Variants in ZNF532 observed in about 807,000 individuals in gnomAD.
The protein encoded by ZNF532 is zinc finger protein 532.
A neutral mutation model predicts 89.3 loss-of-function variants in ZNF532; 22 were observed. The ratio of observed to expected loss-of-function variants is 0.25; its 90% CI spans 0.18 to 0.35. The LOEUF is 0.35. ZNF532 is among the 10% of genes least tolerant of loss of function. The pLI is 1.00. For synonymous variants in ZNF532, 606 were observed against 649.6 expected (o/e 0.93, Z 1.02); for missense variants, 1,132 against 1,643.4 (o/e 0.69, Z 5.38).
At chr18:58,888,713 A>ATATATATATTT in intron 2 of ZNF532, among the ~76,000 whole-genome samples, 1 of 17,698 alleles carries the variant, frequency 5.7e-5, no homozygotes, top group Admixed American at 8.7e-4. Context: ...ATATATATAT[A>ATATATATATTT]TATATATATA....
chr18:58,973,939 A>C (rs139013508), intron 7 of ZNF532, among the ~76,000 whole-genome samples: 7 of 152,228 alleles, frequency 4.6e-5, no homozygotes, highest in African/African-American at 1.7e-4. Flanking sequence ...AGAAAGCAAA[A>C]CCAGAGATAG....
chr18:58,869,460 C>G (rs1479934844), intron 2 of ZNF532, among the ~76,000 whole-genome samples: 1 of 152,108 alleles, frequency 6.6e-6, no homozygotes, highest in South Asian at 2.1e-4. Flanking sequence ...TTAATCTCTT[C>G]GGAAACATTT....
chr18:58,916,696 A>G (rs183717607), intron 2 of ZNF532: 2 of 985,334 alleles, frequency 2.0e-6, no homozygotes, highest in Non-Finnish European at 2.4e-6. Context: ...TTCTAACCAA[A>G]TTCTTCAGTG....
chr18:58,984,655 AAG>A lies in ZNF532; in HGVS notation c.*192_*193del, dbSNP rs2068229988. 3 of 607,834 alleles carry A rather than the reference AAG, an allele frequency of 4.9e-6. No individual in the cohort carries two copies. The South Asian group carries it at 8.1e-5, about 16-fold the overall frequency. The allele number at this position is 607,834 out of a possible 1,614,324, so 37.7% of individuals were successfully genotyped here. ...GTATTAAAACAGTATTTGAGTTTAA[AAG>A]AGTTTGTATATATTTAAATGAATAA... On this transcript the variant is annotated 3_prime_UTR_variant, in exon 10 of 10. Coordinates refer to ENST00000591808, the MANE Select transcript of ZNF532 (RefSeq NM_001375912.1).
intron 2 of ZNF532, among the ~76,000 whole-genome samples, chr18:58,915,162 A>G (rs1180035645): frequency 1.3e-5 from 2 of 152,216 alleles, no homozygotes; most frequent in Non-Finnish European, 2.9e-5. Context: ...TATCCATTCC[A>G]TTAGTTATAC....
chr18:58,930,799 A>G (rs72959149), intron 3 of ZNF532, among the ~76,000 whole-genome samples: 10,628 of 152,160 alleles, frequency 0.07, 516 homozygotes, highest in Admixed American at 0.12. Flanking sequence ...AAATCATCTC[A>G]AGATTACTTA....
chr18:58,888,894 T>TATATAAA (rs2058679834), intron 2 of ZNF532, among the ~76,000 whole-genome samples: 1 of 55,832 alleles, frequency 1.8e-5, no homozygotes, highest in Non-Finnish European at 2.7e-5. Flanking sequence ...ATATATTTTA[T>TATATAAA]ATATATATAT....
chr18:58,969,849 TTTA>T (rs1051190495), intron 7 of ZNF532, among the ~76,000 whole-genome samples: 10 of 151,838 alleles, frequency 6.6e-5, no homozygotes, highest in African/African-American at 2.4e-4. Flanking sequence ...GTATTTAATT[TTTA>T]TTATGTAGCA....
rs534100238 is a variant in ZNF532 at position 58,883,928 on chromosome 18, C to T, written c.-18+18349C>T. The stretch of plus-strand genomic sequence containing the variant: ...GGGATGAAAATTGCAAAAGAAAGAC[C>T]TCTGTTGAGGGAAGCAAGCCAGTCA... On this transcript the variant is annotated intron_variant, in intron 2 of 9. Coordinates refer to ENST00000591808, the MANE Select transcript of ZNF532 (RefSeq NM_001375912.1). Among the ~76,000 whole-genome samples, 532 of 152,250 alleles carry T rather than the reference C, an allele frequency of 3.5e-3. 2 individuals carry two copies. The highest frequency in any genetic ancestry group is 0.017 in the Middle Eastern group (5 of 294).
At chr18:58,906,484 A>C (rs576005388) in intron 2 of ZNF532, among the ~76,000 whole-genome samples, 1 of 152,014 alleles carries the variant, frequency 6.6e-6, no homozygotes, top group East Asian at 1.9e-4. Context: ...ACACTATAAG[A>C]TTCATTGGTA....
intron 2 of ZNF532, among the ~76,000 whole-genome samples, chr18:58,870,072 G>GTTTTTT (rs764095848): frequency 1.8e-5 from 2 of 112,790 alleles, no homozygotes; most frequent in Non-Finnish European, 3.6e-5. Context: ...AGCCCAGGTT[G>GTTTTTT]TTTTTTTTTT....
intron 2 of ZNF532, among the ~76,000 whole-genome samples, chr18:58,883,581 G>A (rs1226189182): frequency 6.6e-6 from 1 of 152,162 alleles, no homozygotes; most frequent in Non-Finnish European, 1.5e-5. Flanking sequence ...GATTCCAGTA[G>A]GATTAAGTAT....
chr18:58,906,612 G>A (rs1355542113), intron 2 of ZNF532, among the ~76,000 whole-genome samples: 1 of 152,152 alleles, frequency 6.6e-6, no homozygotes, highest in Non-Finnish European at 1.5e-5. Context: ...ACTTTTGGTT[G>A]TTGTCAGGCA....
chr18:58,978,827 A>G (rs2067362907), intron 7 of ZNF532, among the ~76,000 whole-genome samples: 1 of 152,172 alleles, frequency 6.6e-6, no homozygotes, highest in Admixed American at 6.5e-5. Flanking sequence ...GATAGCTTGA[A>G]GGGACTTTTA....
rs558915038 is a variant in ZNF532 at position 58,883,112 on chromosome 18, CAG to C, written c.-18+17536_-18+17537del. On this transcript the variant is annotated intron_variant, in intron 2 of 9. Transcript: ENST00000591808. ...GAGAGAGGGCCTTGTGAGGAAGACT[CAG>C]AGGGTTTCATCCATCCTCTTCTCAA... Among the ~76,000 whole-genome samples, 214 of 152,288 alleles carry C rather than the reference CAG, an allele frequency of 1.4e-3. 1 individual carries two copies. Among genetic ancestry groups the C allele is most frequent in the African/African-American group, 3.9e-3 (161 of 41,558 alleles).
chr18:58,906,095 T>C (rs1800539921), intron 2 of ZNF532, among the ~76,000 whole-genome samples: 1 of 152,198 alleles, frequency 6.6e-6, no homozygotes, highest in Admixed American at 6.5e-5. Flanking sequence ...ACCACCTGGC[T>C]GAGGTTGTGT....
chr18:58,954,217 T>C, intron 7 of ZNF532: 1 of 989,720 alleles, frequency 1.0e-6, no homozygotes, highest in Non-Finnish European at 1.2e-6. Context: ...TACATGATTC[T>C]TCCTTGAGTT....
intron 2 of ZNF532, among the ~76,000 whole-genome samples, chr18:58,869,798 G>A (rs889495810): frequency 7.4e-6 from 1 of 134,630 alleles, no homozygotes; most frequent in Non-Finnish European, 1.5e-5. Flanking sequence ...TTGGAGTCTC[G>A]CTTTGTTGTC....
At chr18:58,942,058 T>C (rs1374702521) in intron 5 of ZNF532, among the ~76,000 whole-genome samples, 1 of 145,172 alleles carries the variant, frequency 6.9e-6, no homozygotes, top group Non-Finnish European at 1.5e-5. Flanking sequence ...AGTCTCGCTG[T>C]GTCGCCCAGG....
Sources: gnomAD v4.1 joint callset for allele counts (sites outside exome capture counted in the v4.1 genomes callset) on GRCh38, gnomAD v4.1.1 for gene constraint, MANE v1.5 for transcripts, NCBI Gene and HGNC (gene_info 2026-07-23, HGNC 2026-07-21) for gene names.